HHIPL1: variants seen among roughly 807,000 people sequenced by gnomAD.
The protein encoded by HHIPL1 is HHIP-like protein 1.
A neutral mutation model predicts 61.8 loss-of-function variants in HHIPL1; 43 were observed. That is an observed-to-expected ratio of 0.70 (90% CI 0.55 to 0.90). The LOEUF (loss-of-function observed/expected upper bound fraction) is 0.90, where lower values mean the gene tolerates loss of function less well. Ranked by LOEUF, HHIPL1 falls within the 40% of genes least tolerant of loss-of-function variation. HHIPL1 has a pLI of 0.00. For synonymous variants in HHIPL1, 482 were observed against 515.8 expected, an observed-to-expected ratio of 0.93 and a Z score of 0.89; for missense variants, 1,056 against 1,157.7, an observed-to-expected ratio of 0.91 and a Z score of 1.28.
chr14:99,657,082 T>C lies in HHIPL1; in HGVS notation c.985T>C (p.Phe329Leu), dbSNP rs2056059570. 1 of 1,613,626 alleles carries C rather than the reference T, an allele frequency of 6.2e-7. No homozygotes were observed. Among genetic ancestry groups the C allele is most frequent in the African/African-American group, 1.3e-5 (1 of 74,868 alleles). ...LFGDDGYLYIFTGDGGMAGDP... is the reference protein window; with the variant it reads ...LFGDDGYLYILTGDGGMAGDP... The stretch of plus-strand genomic sequence containing the variant: ...CGGGGATGACGGGTACCTCTACATC[T>C]TCACTGGAGATGGCGGGATGGCCGG... The change falls in exon 3 of 9, where the codon TTC becomes CTC. Residue 329 changes from phenylalanine to leucine, a missense_variant. Coordinates refer to ENST00000330710, the MANE Select transcript of HHIPL1 (RefSeq NM_001127258.3).
chr14:99,664,340 C>G (rs892100867), intron 6 of HHIPL1, among the ~76,000 whole-genome samples: 1 of 152,228 alleles, frequency 6.6e-6, no homozygotes, highest in Non-Finnish European at 1.5e-5. Flanking sequence ...CACAGCCATT[C>G]CTAAGCCCTC....
intron 3 of HHIPL1, among the ~76,000 whole-genome samples, chr14:99,659,224 G>T (rs1333491554): frequency 1.3e-5 from 2 of 152,240 alleles, no homozygotes; most frequent in Non-Finnish European, 2.9e-5. Flanking sequence ...ACAGGAAGGT[G>T]GGGGATGCAT....
rs142068379 is a variant in HHIPL1 at position 99,657,984 on chromosome 14, G to A, written c.1046+841G>A. Among the ~76,000 whole-genome samples, 9 of 152,202 alleles carry A rather than the reference G, an allele frequency of 5.9e-5. No individual in the cohort carries two copies. The East Asian group carries it at 1.7e-3, about 29-fold the overall frequency. On this transcript the variant is annotated intron_variant, in intron 3 of 8. Transcript: ENST00000330710. Reference sequence around the variant, plus strand: ...ACCTTCACACACATACATACACACAGTCTTGGGAGTGTAAACAGGATGTCC... The same window carrying A: ...ACCTTCACACACATACATACACACAATCTTGGGAGTGTAAACAGGATGTCC...
chr14:99,631,806 C>T, the HHIPL1 span, among the ~76,000 whole-genome samples: 1 of 152,232 alleles, frequency 6.6e-6, no homozygotes, highest in Admixed American at 6.5e-5. Context: ...ATCCCGCCCT[C>T]AACTCTGCCT....
Position 99,675,919 on chromosome 14 carries a change from G to A in HHIPL1, c.*293G>A, listed in dbSNP as rs1458541050. The A allele has an allele frequency of 2.5e-5, 9 of 363,788 alleles. No homozygotes were observed. The South Asian group carries it at 3.1e-4, about 13-fold the overall frequency. 22.5% of individuals were successfully genotyped at this position (363,788 alleles called of 1,614,324 possible). A position where few individuals can be genotyped will look rare whatever the true frequency, so the allele number is the denominator to read the frequency against. On this transcript the variant is annotated 3_prime_UTR_variant, in exon 9 of 9. Coordinates refer to ENST00000330710, the MANE Select transcript of HHIPL1 (RefSeq NM_001127258.3). The surrounding 1 kb of genome is among the most constrained non-coding windows in gnomAD (Gnocchi z 5.4). Reference sequence around the variant, plus strand: ...AGACACCAGCAGGAACAGCAGCCGGGCTGTGGGACCCTGAGGAGGGAGGGC... The same window carrying A: ...AGACACCAGCAGGAACAGCAGCCGGACTGTGGGACCCTGAGGAGGGAGGGC...
upstream of HHIPL1, among the ~76,000 whole-genome samples, chr14:99,644,550 C>G (rs1244773482): frequency 6.6e-6 from 1 of 152,114 alleles, no homozygotes; most frequent in Non-Finnish European, 1.5e-5. Flanking sequence ...GTAGATTCAT[C>G]AGTGCTCCCT....
chr14:99,633,890 C>G, the HHIPL1 span, among the ~76,000 whole-genome samples: 2 of 152,248 alleles, frequency 1.3e-5, no homozygotes, highest in African/African-American at 2.4e-5. Context: ...CCCTCTCTCC[C>G]CCGTGTCCGG....
chr14:99,604,725 C>G, the HHIPL1 span: 1 of 152,244 alleles, frequency 6.6e-6, no homozygotes, highest in Non-Finnish European at 1.5e-5. Context: ...CCCCGGTCCT[C>G]TTCCCTCTCC....
Position 99,659,671 on chromosome 14 carries a change from G to T in HHIPL1, c.1290G>T (p.Val430=). Residue 430 remains valine (V), a synonymous_variant, in exon 4 of 9, where the codon GTG becomes GTT. Transcript: ENST00000330710. ...AGAACAAGTTCGAGGAGGTGGACGT[G>T]GTGGAGCGCGGCGGCAACTATGGCT... ...VGQNKFEEVD[V]VERGGNYGWR... 6.5e-7 allele frequency: 1 copy of T among 1,538,164 alleles called. No individual in the cohort carries two copies.
chr14:99,659,884 C>T, intron 4 of HHIPL1, 128 bp downstream of exon 4: 2 of 671,910 alleles, frequency 3.0e-6, no homozygotes, highest in Non-Finnish European at 2.3e-6. Context: ...CTGAGTCTGT[C>T]CTCGGCCCCA....
upstream of HHIPL1, among the ~76,000 whole-genome samples, chr14:99,641,132 C>A (rs2140042501): frequency 6.6e-6 from 1 of 152,124 alleles, no homozygotes; most frequent in South Asian, 2.1e-4. Flanking sequence ...GGTGATCCAC[C>A]CGCCTCAGCC....
the HHIPL1 span, among the ~76,000 whole-genome samples, chr14:99,608,306 T>C: frequency 6.6e-6 from 1 of 152,248 alleles, no homozygotes; most frequent in South Asian, 2.1e-4. Flanking sequence ...GCAATGACAA[T>C]GACAATAACC....
In HHIPL1 at chr14:99,660,358, AG is replaced by A; in HGVS notation, c.1455del (p.Glu485AspfsTer5). On this transcript the variant is annotated frameshift_variant, in exon 5 of 9. Coordinates refer to ENST00000330710, the MANE Select transcript of HHIPL1 (RefSeq NM_001127258.3). LOFTEE classifies it high-confidence loss of function. The surrounding 1 kb of genome is among the most constrained non-coding windows in gnomAD (Gnocchi z 4.9). ...VTGGYVYRGC[E>X]YPNLNGLYIF... ...GGGGGCTACGTGTACCGGGGCTGCG[AG>A]TACCCCAACCTGAACGGCCTCTACA... 6.2e-7 allele frequency: 1 copy of A among 1,614,144 alleles called. No homozygotes were observed. The highest frequency in any genetic ancestry group is 8.5e-7 in the Non-Finnish European group (1 of 1,180,008).
chr14:99,674,907 C>A (rs2056368661), intron 8 of HHIPL1, among the ~76,000 whole-genome samples, 184 bp from the exon 9 acceptor site: 1 of 152,136 alleles, frequency 6.6e-6, no homozygotes, highest in South Asian at 2.1e-4. Flanking sequence ...GTCCGGGTGA[C>A]CTGGGAAGCA....
At chr14:99,658,421 A>G (rs551620728) in intron 3 of HHIPL1, among the ~76,000 whole-genome samples, 21 of 152,290 alleles carry the variant, frequency 1.4e-4, no homozygotes, top group African/African-American at 4.1e-4. Flanking sequence ...CACAAGGCAT[A>G]TATCGGGTGG....
chr14:99,656,836 A>AAAGAAAGAAAGAAAGAAAGG (rs2056044534), intron 2 of HHIPL1, among the ~76,000 whole-genome samples, 164 bp from the exon 3 acceptor site: 1 of 7,092 alleles, frequency 1.4e-4, no homozygotes, highest in African/African-American at 2.4e-4. Context: ...AGAAAGAAAG[A>AAAGAAAGAAAGAAAGAAAGG]AAGGAAGGAA....
chr14:99,620,471 G>A, the HHIPL1 span, among the ~76,000 whole-genome samples: 3 of 152,236 alleles, frequency 2.0e-5, no homozygotes, highest in Admixed American at 6.5e-5. Flanking sequence ...ATCCAGGTCA[G>A]GGTCCCTGGC....
chr14:99,651,721 G>A (rs116653491), intron 1 of HHIPL1, among the ~76,000 whole-genome samples: 14 of 152,220 alleles, frequency 9.2e-5, no homozygotes, highest in Non-Finnish European at 1.6e-4. Context: ...AGAGGCAGGA[G>A]CTGATGATGG....
the HHIPL1 span, among the ~76,000 whole-genome samples, chr14:99,609,343 C>T: frequency 0.29 from 43,844 of 152,106 alleles, 7,296 homozygotes; most frequent in African/African-American, 0.43. Context: ...GGAGGGGAGC[C>T]ACGCTTCCTT....
Sources: allele counts gnomAD v4.1 joint callset (sites outside exome capture counted in the v4.1 genomes callset), GRCh38; gene constraint gnomAD v4.1.1; non-coding constraint Gnocchi (gnomAD v3.1); transcripts MANE v1.5; gene names NCBI Gene and HGNC (gene_info 2026-07-23, HGNC 2026-07-21).